The following CNBD1 variants were observed in gnomAD, a reference collection of about 807,000 sequenced individuals.
CNBD1 encodes the protein cyclic nucleotide binding domain containing 1.
CNBD1 carries 71 observed loss-of-function variants against 54.4 expected under a neutral mutation model. The ratio of observed to expected loss-of-function variants is 1.30; its 90% CI spans 1.08 to 1.59. CNBD1 has a LOEUF of 1.59. Ranked by LOEUF, CNBD1 falls within the 40% of genes most tolerant of loss-of-function variation. The pLI, the probability that CNBD1 is intolerant of heterozygous loss-of-function variation, is 0.00. For synonymous variants in CNBD1, 182 were observed against 170.7 expected (o/e 1.07, Z -0.51); for missense variants, 659 against 518.0 (o/e 1.27, Z -2.64).
At chr8:87,317,518 T>C (rs1230617128) in intron 8 of CNBD1, among the ~76,000 whole-genome samples, 5 of 151,934 alleles carry the variant, frequency 3.3e-5, no homozygotes, top group Admixed American at 2.6e-4. Context: ...CATTTTTCTA[T>C]ATGTTATTAT....
At chr8:87,045,693 C>G (rs1161267014) in intron 4 of CNBD1, among the ~76,000 whole-genome samples, 3 of 146,070 alleles carry the variant, frequency 2.1e-5, no homozygotes, top group Non-Finnish European at 4.5e-5. Flanking sequence ...CCACTGCACT[C>G]CAGCCTGGGC....
chr8:87,276,698 A>C (rs138108571), intron 6 of CNBD1, among the ~76,000 whole-genome samples: 426 of 152,012 alleles, frequency 2.8e-3, no homozygotes, highest in African/African-American at 9.6e-3. Flanking sequence ...AAGGTTTTGA[A>C]GAGCAATCAA....
intron 6 of CNBD1, among the ~76,000 whole-genome samples, chr8:87,264,538 A>G (rs376663223): frequency 7.2e-5 from 11 of 152,188 alleles, no homozygotes; most frequent in South Asian, 2.1e-4. Context: ...TGGGTCAAAT[A>G]GTATTTCTAG....
chr8:87,332,942 A>T (rs1437301394), intron 8 of CNBD1, among the ~76,000 whole-genome samples: 1 of 152,134 alleles, frequency 6.6e-6, no homozygotes, highest in African/African-American at 2.4e-5. Flanking sequence ...AATAATATTG[A>T]ATATATAAAT....
At chr8:87,097,827 A>C (rs1811349885) in intron 4 of CNBD1, among the ~76,000 whole-genome samples, 1 of 152,134 alleles carries the variant, frequency 6.6e-6, no homozygotes, top group African/African-American at 2.4e-5. Context: ...CACTCTTGAC[A>C]CCCTAACAGG....
At chr8:87,214,570 C>A (rs775885158) in intron 5 of CNBD1, among the ~76,000 whole-genome samples, 6 of 152,094 alleles carry the variant, frequency 3.9e-5, no homozygotes, top group Non-Finnish European at 5.9e-5. Flanking sequence ...ACAACAGCAC[C>A]CCACTCTACC....
chr8:87,192,515 T>C (rs908517240), intron 4 of CNBD1, among the ~76,000 whole-genome samples: 2 of 152,208 alleles, frequency 1.3e-5, no homozygotes, highest in South Asian at 2.1e-4. Context: ...CCACAACTTA[T>C]TATTCTGTGA....
At chr8:87,353,060 T>C (rs1810339638) in intron 9 of CNBD1, among the ~76,000 whole-genome samples, 1 of 152,236 alleles carries the variant, frequency 6.6e-6, no homozygotes, top group South Asian at 2.1e-4. Context: ...ACCATTCATA[T>C]TGAACATCCT....
intron 4 of CNBD1, among the ~76,000 whole-genome samples, chr8:87,124,323 C>G (rs1182462906): frequency 6.6e-6 from 1 of 151,528 alleles, no homozygotes; most frequent in African/African-American, 2.4e-5. Flanking sequence ...GGTTGCAAGA[C>G]AAATCTTAAT....
intron 4 of CNBD1, among the ~76,000 whole-genome samples, chr8:87,087,568 A>G (rs1206847248): frequency 6.9e-6 from 1 of 144,900 alleles, no homozygotes; most frequent in Admixed American, 7.2e-5. Context: ...GGTTCACGCC[A>G]TTCTCCTGCC....
At chr8:87,424,834 A>G (rs1000562589) in intron 2 of CNBD1, among the ~76,000 whole-genome samples, 3 of 152,138 alleles carry the variant, frequency 2.0e-5, no homozygotes, top group Admixed American at 1.3e-4. Context: ...TCTTTGTGGC[A>G]TTCTCTGTAT....
intron 6 of CNBD1, among the ~76,000 whole-genome samples, chr8:87,256,787 T>A (rs1319685065): frequency 1.0e-5 from 1 of 99,028 alleles, no homozygotes. Context: ...AGGTTTACAA[T>A]GGATATACAG....
chr8:87,247,622 T>C (rs1233999395), intron 6 of CNBD1, among the ~76,000 whole-genome samples: 1 of 77,818 alleles, frequency 1.3e-5, no homozygotes, highest in African/African-American at 7.5e-5. Context: ...CCAGGGGTGA[T>C]TTTTTTTCTA....
intron 4 of CNBD1, among the ~76,000 whole-genome samples, chr8:87,186,313 A>G (rs1399281078): frequency 6.6e-6 from 1 of 152,122 alleles, no homozygotes; most frequent in East Asian, 1.9e-4. Context: ...TAAATTCTGC[A>G]TAATATTTAT....
chr8:86,990,118 G>A (rs1461139945), intron 4 of CNBD1, among the ~76,000 whole-genome samples: 1 of 152,174 alleles, frequency 6.6e-6, no homozygotes, highest in Non-Finnish European at 1.5e-5. Context: ...CAGATGGGTA[G>A]TTTGCAAATA....
intron 2 of CNBD1, among the ~76,000 whole-genome samples, chr8:87,419,804 A>T (rs945313947): frequency 9.2e-5 from 14 of 151,800 alleles, no homozygotes; most frequent in Admixed American, 7.2e-4. Flanking sequence ...TAAGGAAAAC[A>T]TGTCAATCCC....
chr8:87,212,506 A>G (rs568300081), intron 5 of CNBD1, among the ~76,000 whole-genome samples: 121 of 152,184 alleles, frequency 8.0e-4, no homozygotes, highest in Non-Finnish European at 1.4e-3. Flanking sequence ...TGGCATAAAT[A>G]TATAGAGAGA....
rs1810358545 is a variant in CNBD1 at position 87,353,785 on chromosome 8, T to C, written c.1302T>C (p.Phe434=). 1 of 1,596,284 alleles carries C rather than the reference T, an allele frequency of 6.3e-7. No individual in the cohort carries two copies. The change falls in exon 10 of 11, where the codon TTT becomes TTC. Residue 434 remains phenylalanine, a splice_region_variant and synonymous_variant. Coordinates refer to ENST00000518476, the MANE Select transcript of CNBD1 (RefSeq NM_173538.3). The part of the protein sequence containing the change: ...EMAIIEDKDL[F]VA ...CAATCATTGAAGATAAGGACCTATT[T>C]GGTAAATGCATAAATATCTTTTAAC... is the stretch of plus-strand genomic sequence containing the variant.
intron 4 of CNBD1, among the ~76,000 whole-genome samples, chr8:87,088,059 A>G (rs1253227336): frequency 6.6e-6 from 1 of 152,232 alleles, no homozygotes; most frequent in Admixed American, 6.5e-5. Flanking sequence ...CTGCAGTAAT[A>G]CATTGATGGC....
Sources: gnomAD v4.1 joint callset for allele counts (sites outside exome capture counted in the v4.1 genomes callset) on GRCh38, gnomAD v4.1.1 for gene constraint, MANE v1.5 for transcripts, NCBI Gene and HGNC (gene_info 2026-07-23, HGNC 2026-07-21) for gene names.